Variants in UNC80 observed in about 807,000 individuals in gnomAD.
UNC80 encodes the protein protein unc-80 homolog.
A neutral mutation model predicts 384.6 loss-of-function variants in UNC80; 164 were observed. The ratio of observed to expected loss-of-function variants is 0.43; its 90% CI spans 0.38 to 0.49. The LOEUF is 0.49. Ranked by LOEUF, UNC80 falls within the 20% of genes least tolerant of loss-of-function variation. The pLI, the probability that UNC80 is intolerant of heterozygous loss-of-function variation, is 0.00. For synonymous variants in UNC80, 1,486 were observed against 1,527.8 expected (o/e 0.97, Z 0.64); for missense variants, 3,330 against 4,143.0 (o/e 0.80, Z 5.39).
rs1378507852 is a variant in UNC80 at position 209,993,307 on chromosome 2, C to T, written c.9397-8C>T. The T allele has an allele frequency of 6.4e-7, 1 of 1,550,598 alleles. No homozygotes were observed. The highest frequency in any genetic ancestry group is 8.7e-7 in the Non-Finnish European group (1 of 1,146,124). On this transcript the variant is annotated splice_polypyrimidine_tract_variant and splice_region_variant and intron_variant, in intron 62 of 64. Coordinates refer to ENST00000673920, the MANE Select transcript of UNC80 (RefSeq NM_001371986.1). ...TCTTGCAAGTTTTATTCTGCCTATT[C>T]TCTTTAGCTAAGACGTCCTCTACTA...
At chr2:209,821,477 A>AT (rs934985937) in intron 13 of UNC80, among the ~76,000 whole-genome samples, 10 of 152,336 alleles carry the variant, frequency 6.6e-5, no homozygotes, top group African/African-American at 2.4e-4. Context: ...TAAGTAACAC[A>AT]TTTTTGGCAG....
chr2:209,833,310 T>G (rs2081123587), intron 16 of UNC80, among the ~76,000 whole-genome samples: 1 of 151,426 alleles, frequency 6.6e-6, no homozygotes, highest in African/African-American at 2.4e-5. Flanking sequence ...AGTAACTACC[T>G]TCTTCATGAG....
At chr2:209,892,415 T>A (rs997344888) in intron 26 of UNC80, among the ~76,000 whole-genome samples, 1 of 152,232 alleles carries the variant, frequency 6.6e-6, no homozygotes, top group African/African-American at 2.4e-5. Context: ...ATGTTTTTCA[T>A]GTACAATACC....
chr2:209,808,713 C>A (rs1421506753), intron 7 of UNC80: 1 of 107,096 alleles, frequency 9.3e-6, no homozygotes, highest in Non-Finnish European at 2.0e-5. Flanking sequence ...GTTGGCGGAG[C>A]GGCTGCACTC....
intron 27 of UNC80, among the ~76,000 whole-genome samples, chr2:209,895,219 C>G (rs112526381): frequency 0.013 from 1,927 of 152,256 alleles, 55 homozygotes; most frequent in African/African-American, 0.044. Flanking sequence ...CACCAGCTGC[C>G]TAACATTAAA....
chr2:209,888,760 TG>T (rs2086064337), intron 26 of UNC80, among the ~76,000 whole-genome samples: 1 of 152,008 alleles, frequency 6.6e-6, no homozygotes, highest in Non-Finnish European at 1.5e-5. Flanking sequence ...GGATTACAGG[TG>T]CCCGCCACCA....
chr2:209,887,224 C>T (rs1015186319), intron 25 of UNC80, among the ~76,000 whole-genome samples: 6 of 151,842 alleles, frequency 4.0e-5, no homozygotes, highest in Non-Finnish European at 7.4e-5. Context: ...TTAGTATAGA[C>T]GGGGTTTTTT....
At chr2:209,919,284 C>T (rs2124950086) in intron 33 of UNC80, among the ~76,000 whole-genome samples, 1 of 152,018 alleles carries the variant, frequency 6.6e-6, no homozygotes, top group Non-Finnish European at 1.5e-5. Flanking sequence ...TTCTAAATTA[C>T]AAGAGTAATG....
At chr2:209,859,504 G>A (rs187233662) in intron 22 of UNC80, among the ~76,000 whole-genome samples, 2 of 152,302 alleles carry the variant, frequency 1.3e-5, no homozygotes, top group East Asian at 3.9e-4. Flanking sequence ...ACGTGTGCAT[G>A]TGTCTTTATA....
At chr2:209,791,217 C>A (rs1459796373) in intron 6 of UNC80, among the ~76,000 whole-genome samples, 2 of 152,142 alleles carry the variant, frequency 1.3e-5, no homozygotes, top group Non-Finnish European at 2.9e-5. Context: ...ACTAATAATT[C>A]CTGACTAATT....
At chr2:209,847,340 TAA>T (rs1237008042) in intron 21 of UNC80, among the ~76,000 whole-genome samples, 1 of 139,716 alleles carries the variant, frequency 7.2e-6, no homozygotes, top group African/African-American at 2.7e-5. Flanking sequence ...TGGGATATAC[TAA>T]GTGCTCAAAA....
In UNC80 at chr2:209,939,422, T is replaced by G. The variant is rs1355177873; in HGVS notation, c.6466-50T>G. On this transcript the variant is annotated intron_variant, in intron 42 of 64. Coordinates refer to ENST00000673920, the MANE Select transcript of UNC80 (RefSeq NM_001371986.1). ...CTTTAGTTTTTTCAGTCTATAAATC[T>G]GGAGTTTCTAATACTCCTTTTTGTC... is the stretch of plus-strand genomic sequence containing the variant. 3 of 1,480,244 alleles carry G rather than the reference T, an allele frequency of 2.0e-6. No homozygotes were observed. In the African/African-American group the frequency reaches 4.2e-5, roughly 21 times the overall value. 91.7% of individuals were successfully genotyped at this position (1,480,244 alleles called of 1,614,324 possible).
chr2:209,895,277 A>G (rs1025552074), intron 27 of UNC80, among the ~76,000 whole-genome samples: 2 of 152,246 alleles, frequency 1.3e-5, no homozygotes, highest in African/African-American at 4.8e-5. Context: ...CAGTCTCTGT[A>G]TGCAAGGCAA....
chr2:209,807,765 C>T (rs1217313057), intron 7 of UNC80, among the ~76,000 whole-genome samples: 3 of 151,988 alleles, frequency 2.0e-5, no homozygotes, highest in African/African-American at 7.2e-5. Flanking sequence ...TTTGATCGTA[C>T]CTGATAATAC....
At chr2:209,838,064 C>A (rs1453862367) in intron 18 of UNC80, among the ~76,000 whole-genome samples, 1 of 152,132 alleles carries the variant, frequency 6.6e-6, no homozygotes, top group Non-Finnish European at 1.5e-5. Flanking sequence ...AGCCACTGCG[C>A]CCGGCCTTGT....
At chr2:209,987,858 T>G (rs1301285902) in intron 61 of UNC80, among the ~76,000 whole-genome samples, 2 of 151,744 alleles carry the variant, frequency 1.3e-5, no homozygotes, top group African/African-American at 4.8e-5. Flanking sequence ...GCAAGTACTC[T>G]CAAAATACCA....
At chr2:209,805,301 C>T (rs565253799) in intron 7 of UNC80, among the ~76,000 whole-genome samples, 14 of 152,340 alleles carry the variant, frequency 9.2e-5, no homozygotes, top group African/African-American at 3.4e-4. Context: ...ACACTCCTTA[C>T]TTCTTGTTAA....
At chr2:209,904,533 A>T (rs2087939227) in intron 28 of UNC80, among the ~76,000 whole-genome samples, 1 of 152,228 alleles carries the variant, frequency 6.6e-6, no homozygotes, top group Admixed American at 6.5e-5. Context: ...AAGACCTGTT[A>T]ACCTTTTAAT....
intron 26 of UNC80, among the ~76,000 whole-genome samples, chr2:209,890,694 C>G (rs1459515359): frequency 1.3e-5 from 2 of 152,216 alleles, no homozygotes; most frequent in African/African-American, 2.4e-5. Context: ...TTCTGTAAAA[C>G]TGGGTTAACA....
Sources: gnomAD v4.1 joint callset for allele counts (sites outside exome capture counted in the v4.1 genomes callset) on GRCh38, gnomAD v4.1.1 for gene constraint, MANE v1.5 for transcripts, NCBI Gene and HGNC (gene_info 2026-07-23, HGNC 2026-07-21) for gene names.